SCN10A: variants seen among roughly 807,000 people sequenced by gnomAD.
SCN10A encodes sodium voltage-gated channel alpha subunit 10.
A neutral mutation model predicts 170.7 loss-of-function variants in SCN10A; 162 were observed. That is an observed-to-expected ratio of 0.95 (90% CI 0.84 to 1.08). The LOEUF is 1.08. SCN10A is among the 50% of genes least tolerant of loss of function. The pLI is 0.00. For missense variants in SCN10A, 2,527 were observed against 2,436.9 expected (o/e 1.04, Z -0.78); for synonymous variants, 985 against 904.6 (o/e 1.09, Z -1.59).
chr3:38,721,597 C>A (rs1460488801), intron 20 of SCN10A, among the ~76,000 whole-genome samples: 3 of 152,172 alleles, frequency 2.0e-5, no homozygotes, highest in Non-Finnish European at 4.4e-5. Context: ...AATCTCTATT[C>A]CCATAAGGCC....
At chr3:38,735,326 G>T (rs561948453) in intron 15 of SCN10A, among the ~76,000 whole-genome samples, 4 of 152,176 alleles carry the variant, frequency 2.6e-5, no homozygotes, top group African/African-American at 9.6e-5. Context: ...ATATCAAAAT[G>T]CTAGCCAAAA....
At chr3:38,714,127 G>C in intron 21 of SCN10A, 47 bp from the exon 22 acceptor site, 1 of 1,604,932 alleles carries the variant, frequency 6.2e-7, no homozygotes, top group Non-Finnish European at 8.5e-7. Context: ...TTCCAGAAAG[G>C]CAGTCCTCGT....
intron 16 of SCN10A, 32 bp from the exon 17 acceptor site, chr3:38,727,084 C>A: frequency 6.3e-7 from 1 of 1,580,552 alleles, no homozygotes; most frequent in South Asian, 1.1e-5. Context: ...GAAGATTGAT[C>A]AATCTCTAAG....
At chr3:38,786,969 T>C (rs553513535) in intron 4 of SCN10A, among the ~76,000 whole-genome samples, 47 of 152,316 alleles carry the variant, frequency 3.1e-4, no homozygotes, top group Non-Finnish European at 4.7e-4. Flanking sequence ...TTTGTATTTC[T>C]TCCTCAAAAG....
chr3:38,723,610 G>T, intron 18 of SCN10A, 57 bp from the exon 19 acceptor site: 1 of 1,543,146 alleles, frequency 6.5e-7, no homozygotes, highest in East Asian at 2.4e-5. Context: ...CCGGGGAATT[G>T]CACACGGTCA....
chr3:38,713,699 G>A (rs1431284717), intron 22 of SCN10A, among the ~76,000 whole-genome samples: 1 of 151,768 alleles, frequency 6.6e-6, no homozygotes, highest in Non-Finnish European at 1.5e-5. Context: ...GAAGTTTTTT[G>A]TTTGTTTTTT....
In SCN10A at chr3:38,755,280, G is replaced by A. The variant is rs548426846; in HGVS notation, c.1461+508C>T. 7.3e-5 allele frequency among the ~76,000 whole-genome samples: 11 copies of A among 151,470 alleles called. No homozygotes were observed. In the South Asian group the frequency reaches 2.3e-3, roughly 32 times the overall value. ...TAAGTAAAAAAATAAAAACCACCTC[G>A]ACGCATCAGAAAAAAAAAAGGTGCA... is the stretch of plus-strand genomic sequence containing the variant. On this transcript the variant is annotated intron_variant, in intron 11 of 27. Coordinates refer to ENST00000449082, the MANE Select transcript of SCN10A (RefSeq NM_006514.4).
chr3:38,740,871 G>A (rs1490795316), intron 14 of SCN10A, among the ~76,000 whole-genome samples: 4 of 152,128 alleles, frequency 2.6e-5, no homozygotes, highest in African/African-American at 9.7e-5. Context: ...GTAGAATGAG[G>A]GTGTGGGCTC....
At chr3:38,719,367 C>CTTTTTTTTTT (rs555646896) in intron 20 of SCN10A, among the ~76,000 whole-genome samples, 4 of 69,130 alleles carry the variant, frequency 5.8e-5, no homozygotes, top group East Asian at 5.5e-4. Context: ...GGCTGCCACT[C>CTTTTTTTTTT]TTTTTTTTTT....
At chr3:38,802,301 T>C (rs538481737) in intron 1 of SCN10A, among the ~76,000 whole-genome samples, 2 of 152,316 alleles carry the variant, frequency 1.3e-5, no homozygotes, top group South Asian at 2.1e-4. Context: ...AAGTAGTCTG[T>C]GGCCACATTT....
intron 4 of SCN10A, among the ~76,000 whole-genome samples, chr3:38,787,246 G>A (rs932082496): frequency 6.6e-6 from 1 of 151,978 alleles, no homozygotes; most frequent in Non-Finnish European, 1.5e-5. Context: ...CTTATACTTT[G>A]ATAATCTTAT....
At chr3:38,781,275 T>C (rs368065439) in intron 4 of SCN10A, among the ~76,000 whole-genome samples, 5 of 152,206 alleles carry the variant, frequency 3.3e-5, no homozygotes, top group African/African-American at 1.2e-4. Context: ...AAAAAAGTCG[T>C]GGTCACTGCT....
intron 21 of SCN10A, among the ~76,000 whole-genome samples, chr3:38,716,766 G>T (rs551352507): frequency 6.6e-6 from 1 of 152,208 alleles, no homozygotes. Flanking sequence ...AGGTGGATAA[G>T]AGAAGGATGG....
intron 26 of SCN10A, among the ~76,000 whole-genome samples, chr3:38,702,968 C>T (rs933290784): frequency 6.6e-6 from 1 of 152,168 alleles, no homozygotes; most frequent in East Asian, 1.9e-4. Context: ...TTGACCTTCT[C>T]CCAAAACTTC....
intron 3 of SCN10A, 45 bp downstream of exon 3, chr3:38,792,005 A>G (rs1383018764): frequency 6.2e-7 from 1 of 1,606,732 alleles, no homozygotes; most frequent in Admixed American, 1.7e-5. Flanking sequence ...ACAGTAGGCA[A>G]GGTCTAATTG....
chr3:38,745,565 A>C (rs576958615), intron 13 of SCN10A, among the ~76,000 whole-genome samples: 1 of 152,016 alleles, frequency 6.6e-6, no homozygotes, highest in Non-Finnish European at 1.5e-5. Context: ...CCTTTTCCTC[A>C]CAGGCAAACT....
At position 38,794,035 on chromosome 3, in the gene SCN10A, T is replaced by C. The variant is rs745658149; in HGVS notation, c.-25A>G. ...TCTTCTCATTCTTCTTCAGGAAGTA[T>C]TTATACTCTTATAAGAGTGGACATA... On this transcript the variant is annotated 5_prime_UTR_variant, in exon 2 of 28. Coordinates refer to ENST00000449082, the MANE Select transcript of SCN10A (RefSeq NM_006514.4). 6 of 1,609,280 alleles carry C rather than the reference T, an allele frequency of 3.7e-6. No individual in the cohort carries two copies. In the Admixed American group the frequency reaches 1.0e-4, roughly 27 times the overall value.
rs77429609 is a variant in SCN10A at position 38,736,307 on chromosome 3, A to G, written c.2280+3208T>C. ...TCTCAGAGCAATGGGAAACCAGTGAAGTTATTTGTAACAAATGTAGGTACT... is the reference window on the plus strand; with the variant it reads ...TCTCAGAGCAATGGGAAACCAGTGAGGTTATTTGTAACAAATGTAGGTACT... On this transcript the variant is annotated intron_variant, in intron 15 of 27. Transcript: ENST00000449082. 1.0e-3 allele frequency among the ~76,000 whole-genome samples: 152 copies of G among 151,430 alleles called. 1 individual carries two copies. In the East Asian group the frequency reaches 0.029, roughly 29 times the overall value.
At chr3:38,782,143 C>T (rs955735197) in intron 4 of SCN10A, among the ~76,000 whole-genome samples, 6 of 151,682 alleles carry the variant, frequency 4.0e-5, no homozygotes, top group African/African-American at 1.5e-4. Context: ...TTATTTTGTC[C>T]ATTTCTTTAT....
Sources: gnomAD v4.1 joint callset for allele counts (sites outside exome capture counted in the v4.1 genomes callset) on GRCh38, gnomAD v4.1.1 for gene constraint, MANE v1.5 for transcripts, NCBI Gene and HGNC (gene_info 2026-07-23, HGNC 2026-07-21) for gene names.